MALRD1: variants seen among roughly 807,000 people sequenced by gnomAD.
MALRD1 encodes the protein MAM and LDL receptor class A domain containing 1.
A neutral mutation model predicts 242.1 loss-of-function variants in MALRD1; 247 were observed. That is an observed-to-expected ratio of 1.02 (90% confidence interval 0.92 to 1.13). The LOEUF is 1.13. MALRD1 is among the 50% of genes most tolerant of loss of function. MALRD1 has a pLI of 0.00. For synonymous variants in MALRD1, 995 were observed against 866.6 expected (o/e 1.15, Z -2.60); for missense variants, 2,989 against 2,533.1 (o/e 1.18, Z -3.86).
Position 19,653,786 on chromosome 10 carries a change from TTGGTGGTC to T in MALRD1, c.6137+37864_6137+37871del, listed in dbSNP as rs1286046384. Among the ~76,000 whole-genome samples the T allele has an allele frequency of 2.2e-4, 34 of 152,288 alleles. 1 individual carries two copies. Among genetic ancestry groups the T allele is most frequent in the African/African-American group, 7.5e-4 (31 of 41,552 alleles). ...TTCAGAGTAATATCAAAGTTATTCT[TTGGTGGTC>T]CATGGTGATCCATTTCAGTAATTTT... On this transcript the variant is annotated intron_variant, in intron 36 of 39. Coordinates refer to ENST00000454679, the MANE Select transcript of MALRD1 (RefSeq NM_001142308.3).
chr10:19,186,211 C>T (rs1478422231), intron 14 of MALRD1, among the ~76,000 whole-genome samples: 2 of 152,102 alleles, frequency 1.3e-5, no homozygotes, highest in African/African-American at 4.8e-5. Context: ...GATTTCCATT[C>T]TCTTCTCATT....
chr10:19,468,458 C>G (rs764857465), intron 29 of MALRD1, among the ~76,000 whole-genome samples: 4 of 151,992 alleles, frequency 2.6e-5, no homozygotes, highest in Non-Finnish European at 5.9e-5. Flanking sequence ...ATGTTTTACT[C>G]TTGTTAATAT....
intron 2 of MALRD1, among the ~76,000 whole-genome samples, chr10:19,069,306 T>C (rs948412883): frequency 6.6e-6 from 1 of 152,068 alleles, no homozygotes; most frequent in Non-Finnish European, 1.5e-5. Context: ...TTATGAAACA[T>C]GTACGCTATT....
chr10:19,259,879 A>G (rs1839671295), intron 19 of MALRD1, among the ~76,000 whole-genome samples: 1 of 151,900 alleles, frequency 6.6e-6, no homozygotes, highest in Admixed American at 6.6e-5. Context: ...TCCTGGTGTT[A>G]TTTTTCTCCA....
At chr10:19,280,664 G>A (rs1174206731) in intron 20 of MALRD1, among the ~76,000 whole-genome samples, 3 of 152,178 alleles carry the variant, frequency 2.0e-5, no homozygotes, top group Non-Finnish European at 4.4e-5. Context: ...GAGTTCATGA[G>A]AAAACCTATC....
intron 28 of MALRD1, among the ~76,000 whole-genome samples, chr10:19,391,910 G>T (rs772978644): frequency 2.0e-5 from 3 of 152,216 alleles, no homozygotes; most frequent in African/African-American, 7.2e-5. Flanking sequence ...AGAGGTTGTG[G>T]CTGGGCTGGA....
chr10:19,392,164 T>G (rs2130823691), intron 28 of MALRD1, among the ~76,000 whole-genome samples: 1 of 152,290 alleles, frequency 6.6e-6, no homozygotes, highest in East Asian at 1.9e-4. Context: ...ACACCATCAC[T>G]TATATTATTT....
intron 19 of MALRD1, among the ~76,000 whole-genome samples, chr10:19,263,996 A>G (rs1839865332): frequency 6.6e-6 from 1 of 152,158 alleles, no homozygotes; most frequent in African/African-American, 2.4e-5. Context: ...TTAACTTTTT[A>G]CCATTGAGTG....
chr10:19,651,264 A>T (rs181578476), intron 36 of MALRD1, among the ~76,000 whole-genome samples: 153 of 152,292 alleles, frequency 1.0e-3, no homozygotes, highest in African/African-American at 3.4e-3. Flanking sequence ...TTGGGACTGG[A>T]GCATCCTTGA....
intron 30 of MALRD1, among the ~76,000 whole-genome samples, chr10:19,494,862 T>C (rs1837643281): frequency 6.6e-6 from 1 of 152,184 alleles, no homozygotes; most frequent in Admixed American, 6.5e-5. Context: ...TTCAGGATAT[T>C]GTTAATAAAA....
chr10:19,069,178 A>T (rs1178636177), intron 2 of MALRD1, among the ~76,000 whole-genome samples: 1 of 152,060 alleles, frequency 6.6e-6, no homozygotes, highest in African/African-American at 2.4e-5. Context: ...TATTTGAAAA[A>T]TATTTCCCAT....
intron 35 of MALRD1, among the ~76,000 whole-genome samples, chr10:19,611,963 AG>A (rs1449559005): frequency 1.3e-5 from 2 of 152,054 alleles, no homozygotes; most frequent in African/African-American, 4.8e-5. Flanking sequence ...AGATTCACAC[AG>A]AATTATTCTG....
intron 2 of MALRD1, among the ~76,000 whole-genome samples, chr10:19,069,689 T>A (rs542353363): frequency 3.2e-4 from 48 of 151,920 alleles, no homozygotes; most frequent in Middle Eastern, 3.2e-3. Context: ...TTTTTTTCTT[T>A]TAGTGCTTTA....
chr10:19,157,835 T>C (rs1248256119), intron 12 of MALRD1, among the ~76,000 whole-genome samples: 1 of 152,142 alleles, frequency 6.6e-6, no homozygotes. Context: ...TTGAAAGGAC[T>C]TTAAAGCAAC....
intron 36 of MALRD1, among the ~76,000 whole-genome samples, chr10:19,691,058 A>C (rs537730511): frequency 6.6e-6 from 1 of 152,112 alleles, no homozygotes; most frequent in Non-Finnish European, 1.5e-5. Flanking sequence ...TCTCTAGATC[A>C]TACCAGTGTG....
At chr10:19,426,256 T>G (rs1465816978) in intron 28 of MALRD1, among the ~76,000 whole-genome samples, 2 of 152,128 alleles carry the variant, frequency 1.3e-5, no homozygotes, top group African/African-American at 2.4e-5. Context: ...GGTTAAAACA[T>G]GTCAAATAAA....
intron 32 of MALRD1, among the ~76,000 whole-genome samples, chr10:19,546,874 G>A (rs1835230254): frequency 6.6e-6 from 1 of 152,096 alleles, no homozygotes; most frequent in African/African-American, 2.4e-5. Flanking sequence ...GTAAGTGTGT[G>A]TTTTCAGTTA....
At chr10:19,670,089 C>A (rs1304770489) in intron 36 of MALRD1, among the ~76,000 whole-genome samples, 4 of 149,804 alleles carry the variant, frequency 2.7e-5, no homozygotes, top group African/African-American at 1.0e-4. Context: ...CACACACACA[C>A]ACAAACACAC....
rs551812224 is a variant in MALRD1 at position 19,169,591 on chromosome 10, GAA to G, written c.1830+3789_1830+3790del. 1.0e-3 allele frequency among the ~76,000 whole-genome samples: 157 copies of G among 150,216 alleles called. 5 individuals carry two copies. In the South Asian group the frequency reaches 0.031, roughly 30 times the overall value. ...TCCATCCCATTTCTTATCCTCTGCA[GAA>G]AAAAAAAGATGCTAATATTATGCTG... On this transcript the variant is annotated intron_variant, in intron 13 of 39. Coordinates refer to ENST00000454679, the MANE Select transcript of MALRD1 (RefSeq NM_001142308.3).
Sources: allele counts gnomAD v4.1 joint callset (sites outside exome capture counted in the v4.1 genomes callset), GRCh38; gene constraint gnomAD v4.1.1; transcripts MANE v1.5; gene names NCBI Gene and HGNC (gene_info 2026-07-23, HGNC 2026-07-21).